Variants in UGT3A1 observed in about 807,000 individuals in gnomAD.
UGT3A1 encodes the protein UDP glycosyltransferase family 3 member A1, also known as UDP-glycosyltransferase 3A1.
In UGT3A1, 40 loss-of-function variants were observed where a neutral mutation model predicts 37.6. The observed-to-expected ratio is 1.06, with a 90% CI of 0.83 to 1.38. The LOEUF (loss-of-function observed/expected upper bound fraction) is 1.38, where lower values mean the gene tolerates loss of function less well. UGT3A1 is among the 40% of genes most tolerant of loss of function. UGT3A1 has a pLI of 0.00. For synonymous variants in UGT3A1, 256 were observed against 232.3 expected (o/e 1.10, Z -0.93); for missense variants, 642 against 634.2 (o/e 1.01, Z -0.13).
chr5:35,974,334 T>C (rs1044805278), intron 2 of UGT3A1, among the ~76,000 whole-genome samples: 3 of 152,188 alleles, frequency 2.0e-5, no homozygotes, highest in African/African-American at 7.2e-5. Flanking sequence ...GGAATAGATA[T>C]ACTCGGTATT....
At chr5:35,955,521 C>A in intron 6 of UGT3A1, 124 bp downstream of exon 6, 1 of 1,127,444 alleles carries the variant, frequency 8.9e-7, no homozygotes, top group Non-Finnish European at 1.3e-6. Context: ...CTGTTAGCAT[C>A]ACACACATGT....
intron 2 of UGT3A1, among the ~76,000 whole-genome samples, chr5:35,986,599 C>G (rs1383724581): frequency 6.6e-6 from 1 of 152,038 alleles, no homozygotes; most frequent in East Asian, 1.9e-4. Context: ...AATGTTCTCA[C>G]CCATATGCAG....
rs1561452122 is a variant in UGT3A1 at position 35,954,140 on chromosome 5, G to T, written c.*62C>A. ...GAGAACAGAGGGGTGGCGTGTGCTG[G>T]GGTGGGGAGAACCTTCAAAGGACCA... On this transcript the variant is annotated 3_prime_UTR_variant, in exon 7 of 7. Transcript: ENST00000274278. The T allele has an allele frequency of 3.9e-6, 6 of 1,554,556 alleles. No individual in the cohort carries two copies. The highest frequency in any genetic ancestry group is 4.4e-6 in the Non-Finnish European group (5 of 1,141,688).
chr5:35,972,653 G>A (rs1487357596), intron 2 of UGT3A1, among the ~76,000 whole-genome samples: 2 of 151,912 alleles, frequency 1.3e-5, no homozygotes, highest in Non-Finnish European at 2.9e-5. Context: ...TCTTTTCAGT[G>A]GTAAAGAGGG....
At chr5:35,982,222 A>T (rs1283454045) in intron 2 of UGT3A1, among the ~76,000 whole-genome samples, 1 of 152,230 alleles carries the variant, frequency 6.6e-6, no homozygotes, top group East Asian at 1.9e-4. Flanking sequence ...CCTCACACAA[A>T]GTCCCCACTG....
At chr5:35,967,637 A>G (rs1242358920) in intron 3 of UGT3A1, among the ~76,000 whole-genome samples, 1 of 152,208 alleles carries the variant, frequency 6.6e-6, no homozygotes. Flanking sequence ...AAAAGAGTTG[A>G]AGATCCTAGC....
At chr5:35,988,619 G>A (rs930897482) in intron 1 of UGT3A1, 68 bp from the exon 2 acceptor site, 15 of 1,221,420 alleles carry the variant, frequency 1.2e-5, no homozygotes, top group Non-Finnish European at 1.7e-5. Context: ...ATGGGAGTAG[G>A]CAGGAGGGAA....
At chr5:35,957,454 A>C in intron 4 of UGT3A1, 35 bp from the exon 5 acceptor site, 1 of 1,569,754 alleles carries the variant, frequency 6.4e-7, no homozygotes, top group East Asian at 2.2e-5. Context: ...GAGGTGGCAA[A>C]ATTGAGAACG....
intron 4 of UGT3A1, 135 bp downstream of exon 4, chr5:35,965,251 T>C: frequency 7.3e-7 from 1 of 1,363,574 alleles, no homozygotes; most frequent in Non-Finnish European, 9.9e-7. Flanking sequence ...AGCACTTCCT[T>C]TAAGAACGTG....
rs184593762 is a variant in UGT3A1, at chr5:35,962,582, C to T, written c.843+2804G>A. The T allele has an allele frequency of 1.1e-5, 3 of 264,358 alleles. No homozygotes were observed. In the East Asian group the frequency reaches 2.4e-4, roughly 21 times the overall value. 16.4% of individuals were successfully genotyped at this position (264,358 alleles called of 1,614,324 possible). A position where few individuals can be genotyped will look rare whatever the true frequency, so the allele number is the denominator to read the frequency against. The stretch of plus-strand genomic sequence containing the variant: ...CTCCTGAAATGACAAAGCAGGAGGG[C>T]TGGATCAATCCTACACTGTCAGCAA... On this transcript the variant is annotated intron_variant, in intron 4 of 6. Transcript: ENST00000274278.
chr5:35,976,541 C>A (rs185913370), intron 2 of UGT3A1, among the ~76,000 whole-genome samples: 125 of 152,070 alleles, frequency 8.2e-4, no homozygotes, highest in African/African-American at 3.0e-3. Flanking sequence ...AGTTGCTAAC[C>A]CAGAGAAAAG....
Position 35,991,383 on chromosome 5 carries a change from G to C in UGT3A1, c.-143C>G. 6.8e-7 allele frequency: 1 copy of C among 1,477,446 alleles called. No homozygotes were observed. Among genetic ancestry groups the C allele is most frequent in the South Asian group, 1.4e-5 (1 of 70,666 alleles). 91.5% of individuals were successfully genotyped at this position (1,477,446 alleles called of 1,614,324 possible). ...GGAGACGGATCCTGCCAATTCTCTC[G>C]CCCTTCTGTTCGTTCTCTTTCCCGC... On this transcript the variant is annotated 5_prime_UTR_variant, in exon 1 of 7. Coordinates refer to ENST00000274278, the MANE Select transcript of UGT3A1 (RefSeq NM_152404.4).
intron 2 of UGT3A1, among the ~76,000 whole-genome samples, chr5:35,983,407 T>G (rs1561470240): frequency 1.3e-5 from 2 of 152,120 alleles, no homozygotes; most frequent in African/African-American, 4.8e-5. Context: ...AAAGCCATAA[T>G]AGAGTCTCTC....
At chr5:35,974,545 A>G (rs1228558229) in intron 2 of UGT3A1, among the ~76,000 whole-genome samples, 1 of 152,210 alleles carries the variant, frequency 6.6e-6, no homozygotes, top group East Asian at 1.9e-4. Flanking sequence ...TCACATCCCT[A>G]TTCAACTTGC....
chr5:35,983,079 A>G (rs889444106), intron 2 of UGT3A1, among the ~76,000 whole-genome samples: 10 of 152,148 alleles, frequency 6.6e-5, no homozygotes, highest in African/African-American at 2.4e-4. Context: ...CTGTGAGTCA[A>G]TTACACCTCT....
rs781687407 is a variant in UGT3A1, at chr5:35,957,421, T to TAG, written c.844-4_844-3dup. ...GTTGGCAATGAAGTTGTCCAAGTCC[T>TAG]AGAGAGAGATGACAAAAGAAAGGAG... is the stretch of plus-strand genomic sequence containing the variant. On this transcript the variant is annotated splice_polypyrimidine_tract_variant and splice_region_variant and intron_variant, in intron 4 of 6. Transcript: ENST00000274278. 6.2e-7 allele frequency: 1 copy of TAG among 1,612,394 alleles called. No homozygotes were observed. The highest frequency in any genetic ancestry group is 2.2e-5 in the East Asian group (1 of 44,846).
chr5:35,957,838 G>C (rs1739418209), intron 4 of UGT3A1, among the ~76,000 whole-genome samples: 1 of 152,212 alleles, frequency 6.6e-6, no homozygotes, highest in African/African-American at 2.4e-5. Context: ...AGAAGGTGTA[G>C]TCTGCTGTTG....
intron 4 of UGT3A1, chr5:35,962,889 T>C (rs1330902095): frequency 1.4e-6 from 1 of 702,656 alleles, no homozygotes; most frequent in Non-Finnish European, 2.6e-6. Flanking sequence ...GCCATCTCAG[T>C]GGTTCAGGAT....
chr5:35,970,539 C>G (rs149173184), intron 2 of UGT3A1, among the ~76,000 whole-genome samples: 1,723 of 152,280 alleles, frequency 0.011, 36 homozygotes, highest in African/African-American at 0.039. Context: ...GGTGGGGACA[C>G]AGCCAAACCA....
Sources: gnomAD v4.1 joint callset for allele counts (sites outside exome capture counted in the v4.1 genomes callset) on GRCh38, gnomAD v4.1.1 for gene constraint, MANE v1.5 for transcripts, NCBI Gene and HGNC (gene_info 2026-07-23, HGNC 2026-07-21) for gene names.